Variants in SEMA6D observed in about 807,000 individuals in gnomAD.
SEMA6D encodes semaphorin-6D.
SEMA6D carries 35 observed loss-of-function variants against 106.6 expected under a neutral mutation model. The observed-to-expected ratio is 0.33, with a 90% CI of 0.25 to 0.44. The LOEUF is 0.44. Among genes scored for constraint, SEMA6D ranks in the 20% least tolerant of loss-of-function variants. The probability of loss-of-function intolerance (pLI) is 1.00; values close to 1 mark genes in which losing one functional copy is unlikely to be tolerated. For synonymous variants in SEMA6D, 499 were observed against 487.7 expected, an observed-to-expected ratio of 1.02 and a Z score of -0.31; for missense variants, 1,185 against 1,345.9, an observed-to-expected ratio of 0.88 and a Z score of 1.87.
chr15:47,592,619 C>G (rs1276127948), intron 3 of SEMA6D, among the ~76,000 whole-genome samples: 1 of 152,086 alleles, frequency 6.6e-6, no homozygotes, highest in East Asian at 1.9e-4. Context: ...CAACAAACCC[C>G]TTGGTTTAGA....
intron 4 of SEMA6D, among the ~76,000 whole-genome samples, chr15:47,615,409 G>A (rs540715770): frequency 6.6e-6 from 1 of 152,254 alleles, no homozygotes; most frequent in Non-Finnish European, 1.5e-5. Context: ...TACCAAGGAT[G>A]ACTATACATG....
At chr15:47,533,403 A>G (rs940746470) in intron 3 of SEMA6D, among the ~76,000 whole-genome samples, 13 of 152,360 alleles carry the variant, frequency 8.5e-5, no homozygotes, top group African/African-American at 3.1e-4. Flanking sequence ...TCTGTAAAAC[A>G]TATCATGGAG....
chr15:47,503,851 C>T (rs1200428596), intron 3 of SEMA6D, among the ~76,000 whole-genome samples: 2 of 152,170 alleles, frequency 1.3e-5, no homozygotes, highest in Non-Finnish European at 2.9e-5. Context: ...AATTTAAAGT[C>T]TTAGTGATGT....
intron 1 of SEMA6D, among the ~76,000 whole-genome samples, chr15:47,367,017 C>G (rs1381722634): frequency 2.0e-5 from 3 of 152,224 alleles, no homozygotes; most frequent in Non-Finnish European, 2.9e-5. Flanking sequence ...AATGGGCATG[C>G]ATGACTCATC....
At chr15:47,390,025 G>A (rs1452140427) in intron 1 of SEMA6D, among the ~76,000 whole-genome samples, 2 of 152,052 alleles carry the variant, frequency 1.3e-5, no homozygotes, top group African/African-American at 4.8e-5. Context: ...TTTATATACT[G>A]TCTCTCTTAG....
intron 3 of SEMA6D, among the ~76,000 whole-genome samples, chr15:47,484,697 G>C (rs74011478): frequency 0.13 from 19,527 of 152,102 alleles, 3,750 homozygotes; most frequent in African/African-American, 0.42. Flanking sequence ...TTTAAGGCCT[G>C]AAGTAACCTC....
chr15:47,579,955 A>G (rs1182475245), intron 3 of SEMA6D, among the ~76,000 whole-genome samples: 1 of 152,210 alleles, frequency 6.6e-6, no homozygotes, highest in Non-Finnish European at 1.5e-5. Flanking sequence ...CAGAAAATTT[A>G]AAGGAAAGAG....
chr15:47,402,534 T>TA (rs2040431032), intron 1 of SEMA6D, among the ~76,000 whole-genome samples: 1 of 152,312 alleles, frequency 6.6e-6, no homozygotes, highest in African/African-American at 2.4e-5. Flanking sequence ...TCGTAAAGGA[T>TA]ATTTGCAGCC....
At chr15:47,196,741 AT>A (rs1333152408) in intron 1 of SEMA6D, among the ~76,000 whole-genome samples, 3 of 152,214 alleles carry the variant, frequency 2.0e-5, no homozygotes, top group African/African-American at 7.2e-5. Context: ...AAGTAAGATG[AT>A]TGGAAATTTC....
At chr15:47,206,456 A>T (rs184035945) in intron 1 of SEMA6D, among the ~76,000 whole-genome samples, 1 of 152,156 alleles carries the variant, frequency 6.6e-6, no homozygotes, top group Non-Finnish European at 1.5e-5. Context: ...AGTAAGTTCA[A>T]AACTTTTTTA....
At chr15:47,557,304 CAT>C (rs1037404956) in intron 3 of SEMA6D, among the ~76,000 whole-genome samples, 63 of 152,292 alleles carry the variant, frequency 4.1e-4, no homozygotes, top group African/African-American at 1.2e-3. Flanking sequence ...AAAATGAAAA[CAT>C]AGACTTCACA....
At chr15:47,274,134 A>G (rs1290673531) in intron 1 of SEMA6D, 1 of 152,164 alleles carries the variant, frequency 6.6e-6, no homozygotes, top group Non-Finnish European at 1.5e-5. Context: ...TTGCACATCA[A>G]CATACGCAAT....
At chr15:47,338,530 A>G (rs1313982152) in intron 1 of SEMA6D, among the ~76,000 whole-genome samples, 1 of 152,194 alleles carries the variant, frequency 6.6e-6, no homozygotes, top group Non-Finnish European at 1.5e-5. Flanking sequence ...TTTAAAAATT[A>G]AATTAGAAAA....
intron 4 of SEMA6D, among the ~76,000 whole-genome samples, chr15:47,661,546 G>C (rs1483941938): frequency 6.6e-6 from 1 of 152,212 alleles, no homozygotes; most frequent in Non-Finnish European, 1.5e-5. Context: ...GAGGAACTCA[G>C]AGAGAAAAAC....
In SEMA6D at chr15:47,520,751, A is replaced by C. The variant is rs565628757; in HGVS notation, c.-87+50206A>C. Among the ~76,000 whole-genome samples the C allele has an allele frequency of 1.2e-4, 18 of 152,226 alleles. No homozygotes were observed. The South Asian group carries it at 3.5e-3, about 30-fold the overall frequency. On this transcript the variant is annotated intron_variant, in intron 3 of 19. Coordinates refer to the SEMA6D transcript ENST00000558014. ...AGGTTCAAAGATCAAATAATGGGGGATTACAATGGAGAATCTAACATCAAG... is the reference window on the plus strand; with the variant it reads ...AGGTTCAAAGATCAAATAATGGGGGCTTACAATGGAGAATCTAACATCAAG...
intron 4 of SEMA6D, among the ~76,000 whole-genome samples, chr15:47,641,430 T>C (rs2077487805): frequency 6.6e-6 from 1 of 152,156 alleles, no homozygotes; most frequent in Admixed American, 6.5e-5. Flanking sequence ...TCTCACTCTC[T>C]CTCTCTCTTC....
Position 47,494,670 on chromosome 15 carries a change from A to G in SEMA6D, c.-87+24125A>G, listed in dbSNP as rs1308587368. On this transcript the variant is annotated intron_variant, in intron 3 of 19. Transcript: ENST00000558014. ...AGCATATTTTATTATAATTCAAAAT[A>G]CTTGAATTCTTTTCTCTTATTTTTC... is the stretch of plus-strand genomic sequence containing the variant. Among the ~76,000 whole-genome samples the G allele has an allele frequency of 4.8e-5, 7 of 146,280 alleles. 1 individual carries two copies. The highest frequency in any genetic ancestry group is 1.1e-4 in the Non-Finnish European group (7 of 66,468).
chr15:47,434,228 C>A (rs922720230), intron 2 of SEMA6D, among the ~76,000 whole-genome samples: 2 of 152,042 alleles, frequency 1.3e-5, no homozygotes, highest in Admixed American at 6.6e-5. Context: ...AACAAGGTAA[C>A]TGTGTGGTTC....
intron 3 of SEMA6D, among the ~76,000 whole-genome samples, chr15:47,566,155 T>G (rs2046224348): frequency 6.6e-6 from 1 of 152,186 alleles, no homozygotes; most frequent in Admixed American, 6.5e-5. Context: ...GATGTCTGGA[T>G]GAGGTCATTC....
Sources: allele counts gnomAD v4.1 joint callset (sites outside exome capture counted in the v4.1 genomes callset), GRCh38; gene constraint gnomAD v4.1.1; transcripts MANE v1.5; gene names NCBI Gene and HGNC (gene_info 2026-07-23, HGNC 2026-07-21).